Variants in SLMAP observed in about 807,000 individuals in gnomAD.
The protein encoded by SLMAP is sarcolemma associated protein.
SLMAP carries 44 observed loss-of-function variants against 128.8 expected under a neutral mutation model. The observed-to-expected ratio is 0.34, with a 90% CI of 0.27 to 0.44. The LOEUF (loss-of-function observed/expected upper bound fraction) is 0.44. SLMAP is among the 20% of genes least tolerant of loss of function. The pLI, the probability that SLMAP is intolerant of heterozygous loss-of-function variation, is 1.00. For synonymous variants in SLMAP, 327 were observed against 348.8 expected, an observed-to-expected ratio of 0.94 and a Z score of 0.70; for missense variants, 787 against 985.3, an observed-to-expected ratio of 0.80 and a Z score of 2.69.
chr3:57,838,539 C>A (rs1345305596), intron 3 of SLMAP, among the ~76,000 whole-genome samples: 4 of 152,188 alleles, frequency 2.6e-5, no homozygotes, highest in African/African-American at 9.7e-5. Context: ...CCTTGATGCC[C>A]TCAAAGAGTT....
rs773064343 is a variant in SLMAP, at chr3:57,757,835, C to A, written c.184C>A (p.His62Asn). 1.9e-6 allele frequency: 3 copies of A among 1,614,010 alleles called. No individual in the cohort carries two copies. The South Asian group carries it at 3.3e-5, about 18-fold the overall frequency. Residue 62 changes from histidine to asparagine, a missense_variant, in exon 2 of 25, where the codon CAC becomes AAC. His to Asn is a moderately conservative substitution (Grantham distance 68, BLOSUM62 1). Coordinates refer to ENST00000671191, the MANE Select transcript of SLMAP (RefSeq NM_001377540.1). ...SRNHALVWFD[H>N]KTGKFYLQDT... ...GAACCACGCTCTCGTCTGGTTTGATCACAAGACGGGCAAGGTAATGTCACC... is the reference window on the plus strand; with the variant it reads ...GAACCACGCTCTCGTCTGGTTTGATAACAAGACGGGCAAGGTAATGTCACC...
At chr3:57,813,233 T>C (rs2091308480) in intron 2 of SLMAP, among the ~76,000 whole-genome samples, 2 of 151,956 alleles carry the variant, frequency 1.3e-5, no homozygotes, top group African/African-American at 4.8e-5. Context: ...GCAGCTGGGA[T>C]TACAGGCATG....
chr3:57,894,649 T>A (rs1575866650), intron 15 of SLMAP, among the ~76,000 whole-genome samples: 1 of 152,264 alleles, frequency 6.6e-6, no homozygotes, highest in East Asian at 1.9e-4. Flanking sequence ...GACACAAAGA[T>A]ACAATTAAAA....
intron 2 of SLMAP, among the ~76,000 whole-genome samples, chr3:57,814,583 C>A (rs2091577635): frequency 6.6e-6 from 1 of 152,142 alleles, no homozygotes; most frequent in Admixed American, 6.5e-5. Flanking sequence ...TTGGTTCACA[C>A]TGTTAATTGA....
intron 7 of SLMAP, 38 bp downstream of exon 7, chr3:57,857,866 A>G (rs749563503): frequency 7.6e-6 from 10 of 1,315,000 alleles, no homozygotes; most frequent in South Asian, 1.2e-5. Flanking sequence ...ACATTTAAAC[A>G]TAGTTTAATA....
intron 18 of SLMAP, 62 bp from the exon 19 acceptor site, chr3:57,909,013 TC>T (rs1335061017): frequency 1.6e-5 from 19 of 1,173,258 alleles, no homozygotes; most frequent in Non-Finnish European, 2.2e-5. Flanking sequence ...TTTCAGCTGC[TC>T]AACTCTGAGT....
At chr3:57,897,179 C>CAGCT in intron 17 of SLMAP, 1 of 1,124,452 alleles carries the variant, frequency 8.9e-7, no homozygotes, top group Non-Finnish European at 1.2e-6. Flanking sequence ...ATATGAAATG[C>CAGCT]AGCTGTGTTT....
chr3:57,884,928 T>C (rs947359500), intron 14 of SLMAP, among the ~76,000 whole-genome samples: 42 of 152,308 alleles, frequency 2.8e-4, no homozygotes, highest in African/African-American at 9.9e-4. Context: ...TGCCTCACCC[T>C]TGAATATGAA....
intron 2 of SLMAP, among the ~76,000 whole-genome samples, chr3:57,770,150 T>C (rs1559921455): frequency 6.6e-6 from 1 of 152,252 alleles, no homozygotes; most frequent in Non-Finnish European, 1.5e-5. Context: ...AGTATCTGAG[T>C]GTCTCATTCT....
At chr3:57,905,107 C>T (rs1285746130) in intron 17 of SLMAP, among the ~76,000 whole-genome samples, 2 of 152,078 alleles carry the variant, frequency 1.3e-5, no homozygotes, top group Non-Finnish European at 2.9e-5. Context: ...GTTTGGTGTC[C>T]TCATGGCTAC....
chr3:57,765,800 T>C (rs1156876654), intron 2 of SLMAP, among the ~76,000 whole-genome samples: 1 of 152,214 alleles, frequency 6.6e-6, no homozygotes, highest in African/African-American at 2.4e-5. Context: ...ATTATATCTT[T>C]AAAGCACATG....
chr3:57,848,269 C>T (rs565767760), intron 5 of SLMAP, among the ~76,000 whole-genome samples: 2 of 149,620 alleles, frequency 1.3e-5, no homozygotes, highest in South Asian at 2.1e-4. Context: ...TCCTCCTCCT[C>T]TTACTCCATC....
chr3:57,854,047 A>ATG (rs1159784229), intron 6 of SLMAP, among the ~76,000 whole-genome samples: 9 of 100,334 alleles, frequency 9.0e-5, no homozygotes, highest in African/African-American at 3.2e-4. Context: ...GTATATATAT[A>ATG]CACATAACAT....
At chr3:57,895,893 G>C (rs575581540) in intron 15 of SLMAP, among the ~76,000 whole-genome samples, 3 of 151,226 alleles carry the variant, frequency 2.0e-5, no homozygotes, top group Admixed American at 6.6e-5. Context: ...GTAGTGAGCT[G>C]TGTTTGTCCC....
intron 23 of SLMAP, among the ~76,000 whole-genome samples, chr3:57,925,064 C>G (rs1284752331): frequency 2.6e-5 from 4 of 150,970 alleles, no homozygotes; most frequent in African/African-American, 9.8e-5. Context: ...AAGCAATGCT[C>G]CCACCTCAGC....
intron 2 of SLMAP, among the ~76,000 whole-genome samples, chr3:57,817,167 AT>A (rs1266642442): frequency 4.6e-5 from 7 of 152,088 alleles, no homozygotes; most frequent in African/African-American, 1.4e-4. Flanking sequence ...AGAGTGTGGA[AT>A]TATCTTGGCA....
intron 2 of SLMAP, among the ~76,000 whole-genome samples, chr3:57,776,569 C>T (rs868082370): frequency 2.1e-5 from 3 of 143,418 alleles, no homozygotes; most frequent in Non-Finnish European, 4.5e-5. Context: ...TCTTGTTGCC[C>T]AGGCTGGAGT....
Position 57,847,820 on chromosome 3 carries a change from C to A in SLMAP, c.456+587C>A, listed in dbSNP as rs1005634109. Among the ~76,000 whole-genome samples the A allele has an allele frequency of 2.6e-5, 4 of 152,222 alleles. No homozygotes were observed. The East Asian group carries it at 7.7e-4, about 29-fold the overall frequency. On this transcript the variant is annotated intron_variant, in intron 5 of 24. Transcript: ENST00000671191. ...ATGTGAGAGTCTAGTTTTCTTAGTGCAGTAACTAAACTAGTGGAAAAAATA... is the reference window on the plus strand; with the variant it reads ...ATGTGAGAGTCTAGTTTTCTTAGTGAAGTAACTAAACTAGTGGAAAAAATA...
rs541732233 is a variant in SLMAP, at chr3:57,927,942, A to AT, written c.*666dup. On this transcript the variant is annotated 3_prime_UTR_variant, in exon 25 of 25. Coordinates refer to ENST00000671191, the MANE Select transcript of SLMAP (RefSeq NM_001377540.1). ...GACTTAGAGACAACTATTTGCGTGG[A>AT]TTTTTTTTTTTTTAAGGAAAAATAC... 0.014 allele frequency: 2,038 copies of AT among 145,544 alleles called. 42 individuals are homozygous for AT. Among genetic ancestry groups the AT allele is most frequent in the African/African-American group, 0.04 (1,605 of 39,894 alleles). The allele number at this position is 145,544 out of a possible 1,614,324, so 9.0% of individuals were successfully genotyped here.
Sources: gnomAD v4.1 joint callset for allele counts (sites outside exome capture counted in the v4.1 genomes callset) on GRCh38, gnomAD v4.1.1 for gene constraint, MANE v1.5 for transcripts, NCBI Gene and HGNC (gene_info 2026-07-23, HGNC 2026-07-21) for gene names.